The following SLIT1 variants were observed in gnomAD, a reference collection of about 807,000 sequenced individuals.
SLIT1 encodes the protein slit guidance ligand 1.
Under a neutral mutation model 186.1 loss-of-function variants are expected in SLIT1, and 66 were observed. That is an observed-to-expected ratio of 0.35 (90% CI 0.29 to 0.44). The LOEUF is 0.44. SLIT1 is among the 20% of genes least tolerant of loss of function. SLIT1 has a pLI of 1.00. For missense variants in SLIT1, 1,638 were observed against 2,037.4 expected (o/e 0.80, Z 3.77); for synonymous variants, 761 against 833.8 (o/e 0.91, Z 1.50).
intron 13 of SLIT1, among the ~76,000 whole-genome samples, chr10:97,049,553 G>A (rs981386581): frequency 8.5e-5 from 13 of 152,214 alleles, no homozygotes; most frequent in Non-Finnish European, 1.2e-4. Flanking sequence ...CAGGCGCCCA[G>A]GCCACAGCCT....
intron 1 of SLIT1, among the ~76,000 whole-genome samples, chr10:97,181,146 G>C (rs1850332180): frequency 6.6e-6 from 1 of 152,186 alleles, no homozygotes; most frequent in Admixed American, 6.5e-5. Context: ...GTCATTCAGA[G>C]CCCAGCAATA....
chr10:97,003,609 T>C (rs1848331885), intron 34 of SLIT1, among the ~76,000 whole-genome samples: 1 of 152,144 alleles, frequency 6.6e-6, no homozygotes, highest in South Asian at 2.1e-4. Flanking sequence ...CGAGAAATGC[T>C]TGCAGGTGGT....
At chr10:97,170,130 G>A (rs1291429023) in intron 1 of SLIT1, among the ~76,000 whole-genome samples, 8 of 152,336 alleles carry the variant, frequency 5.3e-5, no homozygotes, top group South Asian at 2.1e-4. Flanking sequence ...CGGCTCCCCC[G>A]CCAGGCTGAG....
chr10:97,053,622 A>G (rs551620918), intron 13 of SLIT1, among the ~76,000 whole-genome samples: 2 of 152,298 alleles, frequency 1.3e-5, no homozygotes, highest in South Asian at 2.1e-4. Context: ...ACACAATAAT[A>G]TTAATAATTA....
chr10:97,023,963 G>C (rs1848523324), intron 25 of SLIT1, among the ~76,000 whole-genome samples: 1 of 151,938 alleles, frequency 6.6e-6, no homozygotes, highest in Non-Finnish European at 1.5e-5. Context: ...AGAAAAGAGA[G>C]AGAGAGGAAG....
chr10:97,026,489 TAAA>T (rs1462431672), intron 25 of SLIT1, among the ~76,000 whole-genome samples: 37 of 151,926 alleles, frequency 2.4e-4, no homozygotes, highest in Middle Eastern at 3.2e-3. Context: ...AATAAATAAA[TAAA>T]TAAATAAATG....
intron 25 of SLIT1, among the ~76,000 whole-genome samples, chr10:97,024,806 G>A (rs945279880): frequency 1.3e-5 from 2 of 152,184 alleles, no homozygotes; most frequent in Non-Finnish European, 2.9e-5. Flanking sequence ...AGATGATTGG[G>A]AATGCTTTAT....
chr10:97,169,405 C>G (rs1850158789), intron 1 of SLIT1, among the ~76,000 whole-genome samples: 2 of 152,234 alleles, frequency 1.3e-5, no homozygotes, highest in South Asian at 4.1e-4. Context: ...TCTCTCCCAC[C>G]AGGATCAAGT....
intron 4 of SLIT1, among the ~76,000 whole-genome samples, chr10:97,091,923 CGAGAA>C (rs2134663756): frequency 6.6e-6 from 1 of 152,308 alleles, no homozygotes; most frequent in East Asian, 1.9e-4. Context: ...CCAGGAGTGG[CGAGAA>C]GTCTTGCTCA....
At chr10:97,106,403 T>TGAACGAACGAACGAATGAATGAACGAAC (rs71306804) in intron 4 of SLIT1, among the ~76,000 whole-genome samples, 1 of 151,242 alleles carries the variant, frequency 6.6e-6, no homozygotes, top group South Asian at 2.1e-4. Flanking sequence ...AATGAATGAA[T>TGAACGAACGAACGAATGAATGAACGAAC]GAACGAATGA....
At chr10:97,065,870 G>A (rs1477950421) in intron 5 of SLIT1, 145 bp downstream of exon 5, 1 of 639,068 alleles carries the variant, frequency 1.6e-6, no homozygotes, top group East Asian at 2.8e-5. Flanking sequence ...TATTCCAGAA[G>A]ACCATGCTGG....
At chr10:97,167,644 T>C (rs1018162062) in intron 1 of SLIT1, among the ~76,000 whole-genome samples, 3 of 152,196 alleles carry the variant, frequency 2.0e-5, no homozygotes, top group African/African-American at 7.2e-5. Context: ...AACCCTTTTC[T>C]AAGAGCCGGC....
chr10:97,106,892 G>A (rs7899087), intron 4 of SLIT1, among the ~76,000 whole-genome samples: 43,538 of 152,144 alleles, frequency 0.29, 6,875 homozygotes, highest in African/African-American at 0.43. Flanking sequence ...GGAGAGAAAT[G>A]CCACATCTGC....
chr10:97,132,722 C>A (rs2134696156), intron 4 of SLIT1, among the ~76,000 whole-genome samples: 1 of 152,356 alleles, frequency 6.6e-6, no homozygotes, highest in Non-Finnish European at 1.5e-5. Flanking sequence ...AGGCGCCCTG[C>A]ACATGTGCCA....
intron 6 of SLIT1, among the ~76,000 whole-genome samples, chr10:97,064,489 G>A (rs550179910): frequency 3.9e-5 from 6 of 152,284 alleles, no homozygotes; most frequent in East Asian, 1.9e-4. Context: ...GGAGCAGGGC[G>A]GGTGATGGGA....
At chr10:97,158,661 CAA>C (rs34201804) in intron 3 of SLIT1, among the ~76,000 whole-genome samples, 7 of 122,228 alleles carry the variant, frequency 5.7e-5, no homozygotes, top group Admixed American at 2.5e-4. Context: ...AACTCTGTCT[CAA>C]AAAAAAAAAA....
intron 4 of SLIT1, among the ~76,000 whole-genome samples, chr10:97,150,454 T>A (rs922918990): frequency 5.6e-4 from 86 of 152,274 alleles, no homozygotes; most frequent in African/African-American, 2.0e-3. Context: ...TCAGGCATTC[T>A]TCAGCAGGGC....
intron 4 of SLIT1, among the ~76,000 whole-genome samples, chr10:97,143,354 T>C (rs1215139683): frequency 6.6e-6 from 1 of 152,162 alleles, no homozygotes; most frequent in Non-Finnish European, 1.5e-5. Flanking sequence ...CTTGAGGACA[T>C]GATGTTAAGT....
At chr10:97,179,800 T>TAC (rs1554855909) in intron 1 of SLIT1, among the ~76,000 whole-genome samples, 1 of 126,384 alleles carries the variant, frequency 7.9e-6, no homozygotes, top group Non-Finnish European at 1.8e-5. Context: ...CTCCACACCC[T>TAC]CCCCGCCCCC....
Sources: gnomAD v4.1 joint callset for allele counts (sites outside exome capture counted in the v4.1 genomes callset) on GRCh38, gnomAD v4.1.1 for gene constraint, MANE v1.5 for transcripts, NCBI Gene and HGNC (gene_info 2026-07-23, HGNC 2026-07-21) for gene names.